SLC24A4: variants seen among roughly 807,000 people sequenced by gnomAD.
SLC24A4 encodes the protein sodium/potassium/calcium exchanger 4.
SLC24A4 carries 53 observed loss-of-function variants against 79.0 expected under a neutral mutation model. The observed-to-expected ratio is 0.67, with a 90% CI of 0.54 to 0.84. SLC24A4 has a LOEUF of 0.84. Ranked by LOEUF, SLC24A4 falls within the 40% of genes least tolerant of loss-of-function variation. The pLI, the probability that SLC24A4 is intolerant of heterozygous loss-of-function variation, is 0.00. For synonymous variants in SLC24A4, 323 were observed against 323.8 expected, an observed-to-expected ratio of 1.00 and a Z score of 0.03; for missense variants, 731 against 822.0, an observed-to-expected ratio of 0.89 and a Z score of 1.35.
chr14:92,470,508 T>G (rs1423147097), intron 12 of SLC24A4, among the ~76,000 whole-genome samples: 1 of 152,240 alleles, frequency 6.6e-6, no homozygotes, highest in African/African-American at 2.4e-5. Context: ...CCATCTGTTT[T>G]GTTACAGTTC....
intron 2 of SLC24A4, among the ~76,000 whole-genome samples, chr14:92,408,877 A>G (rs764402041): frequency 6.6e-5 from 10 of 152,080 alleles, no homozygotes; most frequent in Non-Finnish European, 1.5e-4. Flanking sequence ...GTTGTGGGGA[A>G]CTTTCATTTC....
chr14:92,374,808 T>G (rs2141696995), intron 2 of SLC24A4, among the ~76,000 whole-genome samples: 1 of 152,356 alleles, frequency 6.6e-6, no homozygotes, highest in Non-Finnish European at 1.5e-5. Flanking sequence ...ATTTTGCAAT[T>G]TGCTCACTTG....
At chr14:92,426,591 T>C (rs1363947302) in intron 2 of SLC24A4, among the ~76,000 whole-genome samples, 1 of 152,234 alleles carries the variant, frequency 6.6e-6, no homozygotes. Flanking sequence ...GAAAGAAAGA[T>C]AGGATTTTAA....
At chr14:92,386,925 G>A (rs967520203) in intron 2 of SLC24A4, among the ~76,000 whole-genome samples, 4 of 152,102 alleles carry the variant, frequency 2.6e-5, no homozygotes, top group African/African-American at 4.8e-5. Flanking sequence ...ATGTGTTCTC[G>A]AGGCTGGTTC....
Position 92,449,209 on chromosome 14 carries a change from G to A in SLC24A4, c.873G>A (p.Leu291=). The change falls in exon 10 of 17, where the codon CTG becomes CTA. Residue 291 remains leucine (L), a synonymous_variant. Transcript: ENST00000532405. ...ATGATGACCCTTCCGTGCCATTGCT[G>A]GGGCAAGGTAAGGCTGAGCAGACAG... The part of the protein sequence containing the change: ...GSYDDPSVPL[L]GQVKEKPQYG... 6.2e-7 allele frequency: 1 copy of A among 1,614,002 alleles called. No homozygotes were observed. Among genetic ancestry groups the A allele is most frequent in the East Asian group, 2.2e-5 (1 of 44,874 alleles).
intron 2 of SLC24A4, among the ~76,000 whole-genome samples, chr14:92,343,642 CTCTTTCCT>C (rs1165929010): frequency 9.5e-4 from 44 of 46,380 alleles, no homozygotes; most frequent in African/African-American, 3.2e-3. Context: ...CTTTCTTTCT[CTCTTTCCT>C]TCTTTCCTTC....
At chr14:92,341,960 T>C (rs1391074036) in intron 2 of SLC24A4, among the ~76,000 whole-genome samples, 3 of 152,216 alleles carry the variant, frequency 2.0e-5, no homozygotes, top group Non-Finnish European at 2.9e-5. Context: ...AAGATTCCGA[T>C]ATAGCCGTGT....
At chr14:92,342,558 T>A (rs992184212) in intron 2 of SLC24A4, among the ~76,000 whole-genome samples, 7 of 151,986 alleles carry the variant, frequency 4.6e-5, no homozygotes, top group African/African-American at 1.4e-4. Context: ...TAATTTTGTA[T>A]TTTTAGTAGA....
In SLC24A4 at chr14:92,323,889, C is replaced by T. The variant is rs1443086542; in HGVS notation, c.59C>T (p.Pro20Leu). 7.5e-6 allele frequency: 12 copies of T among 1,607,122 alleles called. 1 individual carries two copies. Among genetic ancestry groups the T allele is most frequent in the Middle Eastern group, 3.4e-4 (2 of 5,964 alleles). The change falls in exon 1 of 17, where the codon CCG (proline) becomes CTG (leucine). Residue 20 changes from proline (P) to leucine (L), a missense_variant. Physicochemically the swap from Pro to Leu is moderately conservative, Grantham distance 98. Coordinates refer to ENST00000532405, the MANE Select transcript of SLC24A4 (RefSeq NM_153646.4). This position sits in a 1 kb window ranked among gnomAD's most constrained non-coding sequence, Gnocchi z 4.9. ...LKVRRRREML[P>L]QQVGFVCAVL... ...GTTCGCAGGAGGCGAGAGATGCTGC[C>T]GCAGCAAGTCGGCTTCGTGTGCGCG...
chr14:92,482,657 C>A, intron 12 of SLC24A4, 23 bp from the exon 13 acceptor site: 1 of 1,581,262 alleles, frequency 6.3e-7, no homozygotes, highest in South Asian at 1.2e-5. Flanking sequence ...CCTCCTTTCT[C>A]ACTCTGCCCC....
chr14:92,439,541 G>A, intron 4 of SLC24A4, 132 bp downstream of exon 4: 1 of 824,092 alleles, frequency 1.2e-6, no homozygotes, highest in Non-Finnish European at 2.0e-6. Context: ...AGCACTTAGT[G>A]TCTGCCCCAT....
rs780168516 is a variant in SLC24A4 at position 92,456,473 on chromosome 14, A to G, written c.1120A>G (p.Ile374Val). Reference protein sequence around the residue: ...KPLQNGRHENIENGNVPVENP... With the variant: ...KPLQNGRHENVENGNVPVENP... ...GCTTCAAAACGGGAGGCACGAGAACATTGAGAACGGGAATGTTCCTGTGGA... is the reference window on the plus strand; with the variant it reads ...GCTTCAAAACGGGAGGCACGAGAACGTTGAGAACGGGAATGTTCCTGTGGA... Residue 374 changes from isoleucine to valine, a missense_variant, in exon 12 of 17, where the codon ATT becomes GTT. By Grantham distance (29) the Ile-to-Val change is conservative (BLOSUM62 3). Coordinates refer to ENST00000532405, the MANE Select transcript of SLC24A4 (RefSeq NM_153646.4). 6 of 1,614,110 alleles carry G rather than the reference A, an allele frequency of 3.7e-6. No homozygotes were observed. The highest frequency in any genetic ancestry group is 1.3e-5 in the African/African-American group (1 of 74,932).
intron 2 of SLC24A4, among the ~76,000 whole-genome samples, chr14:92,362,078 G>A (rs543999012): frequency 2.0e-5 from 3 of 152,224 alleles, no homozygotes; most frequent in South Asian, 2.1e-4. Context: ...GAATAGGTGC[G>A]GTCCCATGAC....
intron 16 of SLC24A4, chr14:92,492,953 A>G (rs1269467562): frequency 2.7e-6 from 1 of 365,108 alleles, no homozygotes; most frequent in African/African-American, 3.2e-5. Context: ...TTAACCCTCT[A>G]CCCCAAACAC....
At chr14:92,471,639 A>G (rs1178686939) in intron 12 of SLC24A4, among the ~76,000 whole-genome samples, 1 of 152,200 alleles carries the variant, frequency 6.6e-6, no homozygotes, top group Non-Finnish European at 1.5e-5. Context: ...CCCAGTACCT[A>G]GAATAGTTCC....
upstream of SLC24A4, among the ~76,000 whole-genome samples, chr14:92,322,816 G>A (rs897326762): frequency 4.3e-4 from 65 of 152,102 alleles, 1 homozygote; most frequent in Non-Finnish European, 4.4e-4. Context: ...GGTGTGTGGC[G>A]GGGCCTCGGG....
rs1019948267 is a variant in SLC24A4, at chr14:92,498,375, G to C, written c.*4747G>C. 6.6e-6 allele frequency: 1 copy of C among 152,212 alleles called. No homozygotes were observed. The allele number at this position is 152,212 out of a possible 1,614,324, so 9.4% of individuals were successfully genotyped here. ...GCCTGTGCCACAGGACAGAGAACACGGGATTCTGCTGTTCGCTTTGAGCCA... is the reference window on the plus strand; with the variant it reads ...GCCTGTGCCACAGGACAGAGAACACCGGATTCTGCTGTTCGCTTTGAGCCA... On this transcript the variant is annotated 3_prime_UTR_variant, in exon 17 of 17. Transcript: ENST00000532405.
intron 13 of SLC24A4, among the ~76,000 whole-genome samples, chr14:92,485,401 G>T (rs962104037): frequency 6.6e-6 from 1 of 152,134 alleles, no homozygotes; most frequent in South Asian, 2.1e-4. Context: ...AGAGGTTGAG[G>T]CCACAGTGAG....
chr14:92,397,660 T>TCCA (rs1889854427), intron 2 of SLC24A4, among the ~76,000 whole-genome samples: 1 of 152,064 alleles, frequency 6.6e-6, no homozygotes, highest in Admixed American at 6.6e-5. Context: ...GTGGCCAGTG[T>TCCA]GAGAGCAGCT....
Sources: gnomAD v4.1 joint callset for allele counts (sites outside exome capture counted in the v4.1 genomes callset) on GRCh38, gnomAD v4.1.1 for gene constraint, Gnocchi (gnomAD v3.1) non-coding constraint, MANE v1.5 for transcripts, NCBI Gene and HGNC (gene_info 2026-07-23, HGNC 2026-07-21) for gene names.